The following GDPD5 variants were observed in gnomAD, a reference collection of about 807,000 sequenced individuals.
GDPD5 encodes the protein glycerophosphodiester phosphodiesterase 2.
GDPD5 carries 48 observed loss-of-function variants against 75.1 expected under a neutral mutation model. That is an observed-to-expected ratio of 0.64 (90% CI 0.51 to 0.81). The LOEUF (loss-of-function observed/expected upper bound fraction) is 0.81, where lower values mean the gene tolerates loss of function less well. GDPD5 is among the 40% of genes least tolerant of loss of function. The pLI is 0.00. For synonymous variants in GDPD5, 336 were observed against 339.0 expected (o/e 0.99, Z 0.10); for missense variants, 706 against 822.6 (o/e 0.86, Z 1.73).
intron 1 of GDPD5, among the ~76,000 whole-genome samples, chr11:75,517,874 C>T (rs377317726): frequency 5.3e-5 from 8 of 152,056 alleles, no homozygotes; most frequent in African/African-American, 1.4e-4. Context: ...GCAGGTGGTG[C>T]AGTTGGGTGT....
intron 15 of GDPD5, chr11:75,438,131 G>C (rs78656902): frequency 6.6e-6 from 1 of 152,628 alleles, no homozygotes; most frequent in Admixed American, 6.5e-5. Context: ...GAGGCGGGGG[G>C]TGGCACGGAC....
chr11:75,484,694 G>A (rs1949986080), intron 2 of GDPD5, among the ~76,000 whole-genome samples: 1 of 152,078 alleles, frequency 6.6e-6, no homozygotes. Flanking sequence ...AGACCAGCCT[G>A]GGCAACATGG....
At chr11:75,461,605 C>A (rs1441949165) in intron 4 of GDPD5, among the ~76,000 whole-genome samples, 1 of 152,210 alleles carries the variant, frequency 6.6e-6, no homozygotes, top group South Asian at 2.1e-4. Flanking sequence ...GAGATGTGGT[C>A]TCCTAGGAAG....
At chr11:75,522,318 G>A in intron 1 of GDPD5, among the ~76,000 whole-genome samples, 1 of 152,216 alleles carries the variant, frequency 6.6e-6, no homozygotes, top group East Asian at 1.9e-4. Context: ...CAGTGAGGCG[G>A]TGGCACAGCC....
At chr11:75,467,335 G>T (rs1328110050) in intron 3 of GDPD5, among the ~76,000 whole-genome samples, 1 of 152,190 alleles carries the variant, frequency 6.6e-6, no homozygotes, top group East Asian at 1.9e-4. Context: ...AATGAGGGTG[G>T]CTCACTGGGC....
chr11:75,495,121 G>C (rs982042660), intron 1 of GDPD5, among the ~76,000 whole-genome samples: 10 of 151,882 alleles, frequency 6.6e-5, no homozygotes, highest in African/African-American at 2.4e-4. Flanking sequence ...CAAAAAATTA[G>C]CCGGGTGTGA....
At chr11:75,443,762 A>G (rs998054899) in intron 10 of GDPD5, among the ~76,000 whole-genome samples, 2 of 152,236 alleles carry the variant, frequency 1.3e-5, no homozygotes, top group African/African-American at 4.8e-5. Context: ...CTACTCTACC[A>G]GGGTTGCAAA....
At chr11:75,471,590 G>GA (rs1949665189) in intron 3 of GDPD5, among the ~76,000 whole-genome samples, 1 of 152,204 alleles carries the variant, frequency 6.6e-6, no homozygotes, top group African/African-American at 2.4e-5. Flanking sequence ...CCCTTAGGAA[G>GA]AACCATCCCA....
chr11:75,469,380 T>C (rs184182247), intron 3 of GDPD5, among the ~76,000 whole-genome samples: 1 of 152,342 alleles, frequency 6.6e-6, no homozygotes, highest in East Asian at 1.9e-4. Context: ...CCCACAGTTC[T>C]GCAAAGCAGA....
At chr11:75,489,859 C>T (rs965969146) in intron 2 of GDPD5, among the ~76,000 whole-genome samples, 4 of 152,198 alleles carry the variant, frequency 2.6e-5, no homozygotes, top group African/African-American at 9.6e-5. Flanking sequence ...CTGCCTCAGC[C>T]TCCCAAGTAG....
At chr11:75,453,697 TA>T (rs1374847300) in intron 6 of GDPD5, among the ~76,000 whole-genome samples, 2 of 150,570 alleles carry the variant, frequency 1.3e-5, no homozygotes, top group African/African-American at 4.9e-5. Context: ...ACCAGATAGA[TA>T]AATGAAAATA....
chr11:75,455,495 A>G (rs1949266606), intron 6 of GDPD5: 1 of 404,564 alleles, frequency 2.5e-6, no homozygotes, highest in Non-Finnish European at 5.0e-6. Context: ...GCCTCCCTGG[A>G]TGCTCACAGG....
intron 3 of GDPD5, among the ~76,000 whole-genome samples, chr11:75,473,105 G>A (rs895222945): frequency 1.4e-4 from 21 of 151,812 alleles, no homozygotes; most frequent in African/African-American, 4.1e-4. Context: ...GGTGGCTGGC[G>A]TGGACGAGCA....
intron 3 of GDPD5, among the ~76,000 whole-genome samples, chr11:75,464,081 C>T (rs1407785919): frequency 6.6e-6 from 1 of 152,250 alleles, no homozygotes; most frequent in African/African-American, 2.4e-5. Flanking sequence ...ACTGAGCCGA[C>T]TTCCACTCTA....
chr11:75,499,815 G>T (rs1950273986), intron 1 of GDPD5, among the ~76,000 whole-genome samples: 1 of 152,166 alleles, frequency 6.6e-6, no homozygotes, highest in African/African-American at 2.4e-5. Context: ...TGTTTGCAGT[G>T]TCTACGAAAC....
intron 4 of GDPD5, 44 bp downstream of exon 4, chr11:75,462,742 C>T: frequency 1.3e-6 from 2 of 1,492,190 alleles, no homozygotes; most frequent in South Asian, 1.2e-5. Flanking sequence ...TACTGGATAC[C>T]CAGCTCTGGG....
At chr11:75,486,120 T>C (rs1349721461) in intron 2 of GDPD5, among the ~76,000 whole-genome samples, 2 of 152,174 alleles carry the variant, frequency 1.3e-5, no homozygotes, top group Non-Finnish European at 2.9e-5. Context: ...TCCAAGGGCC[T>C]TTCCAGCACT....
chr11:75,436,742 T>G lies in GDPD5; in HGVS notation c.1669+194A>C, dbSNP rs575374726. Among the ~76,000 whole-genome samples the G allele has an allele frequency of 3.3e-5, 5 of 152,134 alleles. No individual in the cohort carries two copies. In the East Asian group the frequency reaches 5.8e-4, roughly 18 times the overall value. ...GGGTGGATGACTGTGTGTGTGGGGG[T>G]GTGTGTTTTCACACGTGTACTTATG... On this transcript the variant is annotated intron_variant, in intron 16 of 16. Coordinates refer to ENST00000336898, the MANE Select transcript of GDPD5 (RefSeq NM_030792.8).
chr11:75,466,620 G>T (rs551657424), intron 3 of GDPD5, among the ~76,000 whole-genome samples: 2 of 152,098 alleles, frequency 1.3e-5, no homozygotes, highest in African/African-American at 2.4e-5. Context: ...TTATTTAGGG[G>T]TATCTACCCC....
Sources: gnomAD v4.1 joint callset for allele counts (sites outside exome capture counted in the v4.1 genomes callset) on GRCh38, gnomAD v4.1.1 for gene constraint, MANE v1.5 for transcripts, NCBI Gene and HGNC (gene_info 2026-07-23, HGNC 2026-07-21) for gene names.